The following SCML4 variants were observed in gnomAD, a reference collection of about 807,000 sequenced individuals.
The protein encoded by SCML4 is Scm polycomb group protein like 4, also known as sex comb on midleg-like protein 4.
Under a neutral mutation model 41.1 loss-of-function variants are expected in SCML4, and 34 were observed. The observed-to-expected ratio is 0.83, with a 90% CI of 0.63 to 1.10. SCML4 has a LOEUF of 1.10. Among genes scored for constraint, SCML4 ranks in the 50% least tolerant of loss-of-function variants. The probability of loss-of-function intolerance (pLI) is 0.00; values close to 1 mark genes in which losing one functional copy is unlikely to be tolerated. For synonymous variants in SCML4, 214 were observed against 220.9 expected (o/e 0.97, Z 0.28); for missense variants, 522 against 534.1 (o/e 0.98, Z 0.22).
rs1782275582 is a variant in SCML4 at position 107,790,917 on chromosome 6, A to G, written c.-59-18531T>C. ...AAACCCTGTATCTACTAAAAATACA[A>G]AAATTAGCCAGACATGGTGGTGCAT... On this transcript the variant is annotated intron_variant, in intron 1 of 7. Transcript: ENST00000369020. 1.3e-5 allele frequency among the ~76,000 whole-genome samples: 2 copies of G among 152,092 alleles called. 1 individual carries two copies. Among genetic ancestry groups the G allele is most frequent in the South Asian group, 4.1e-4 (2 of 4,824 alleles).
intron 3 of SCML4, among the ~76,000 whole-genome samples, chr6:107,749,246 C>G (rs915012131): frequency 6.6e-6 from 1 of 152,064 alleles, no homozygotes; most frequent in African/African-American, 2.4e-5. Flanking sequence ...TACCTGCTAC[C>G]CTGACTGGGT....
chr6:107,759,004 G>C (rs889061722), intron 2 of SCML4, among the ~76,000 whole-genome samples: 3 of 151,948 alleles, frequency 2.0e-5, no homozygotes, highest in South Asian at 2.1e-4. Flanking sequence ...AGGCCCAGTG[G>C]CTCACATCAG....
intron 1 of SCML4, among the ~76,000 whole-genome samples, chr6:107,816,724 G>A (rs547247117): frequency 2.6e-4 from 39 of 152,284 alleles, no homozygotes; most frequent in South Asian, 1.9e-3. Flanking sequence ...GCTTCACTTC[G>A]AGATCACTTC....
At chr6:107,718,370 A>G (rs1775040695) in intron 6 of SCML4, 1 of 154,982 alleles carries the variant, frequency 6.5e-6, no homozygotes, top group African/African-American at 2.4e-5. Context: ...GCCTTCTGCC[A>G]TGATTGTGAG....
intron 1 of SCML4, among the ~76,000 whole-genome samples, chr6:107,786,440 T>A (rs180670867): frequency 1.4e-4 from 22 of 152,160 alleles, no homozygotes; most frequent in African/African-American, 4.8e-4. Context: ...TGCCTGAAAA[T>A]TGCTACTTGG....
intron 2 of SCML4, among the ~76,000 whole-genome samples, chr6:107,767,863 G>A (rs1023370835): frequency 5.3e-5 from 8 of 152,136 alleles, no homozygotes; most frequent in African/African-American, 1.7e-4. Context: ...GGAGACAGGC[G>A]TGCCCTCTGC....
the SCML4 span, among the ~76,000 whole-genome samples, chr6:107,844,542 T>C: frequency 5.4e-5 from 8 of 148,436 alleles, no homozygotes; most frequent in Non-Finnish European, 1.5e-5. Context: ...TACATAATAT[T>C]TTTAAAATTT....
rs1773372316 is a variant in SCML4 at position 107,703,833 on chromosome 6, G to A, written c.*1367C>T. On this transcript the variant is annotated 3_prime_UTR_variant, in exon 8 of 8. Transcript: ENST00000369020. ...TCTCCTCATCTCCAACACTGTTGATGTCCTTTTAAGGAAGAGAATATGCAC... is the reference window on the plus strand; with the variant it reads ...TCTCCTCATCTCCAACACTGTTGATATCCTTTTAAGGAAGAGAATATGCAC... 6.6e-6 allele frequency among the ~76,000 whole-genome samples: 1 copy of A among 152,230 alleles called. No individual in the cohort carries two copies. The highest frequency in any genetic ancestry group is 1.9e-4 in the East Asian group (1 of 5,206).
Position 107,778,935 on chromosome 6 carries a change from C to T in SCML4, c.-59-6549G>A, listed in dbSNP as rs542711529. ...GTGGCTCACGCCTGTAATCCCAGCG[C>T]TTTGGGAGGCCGAGGCGGGCGGATC... On this transcript the variant is annotated intron_variant, in intron 1 of 7. Transcript: ENST00000369020. Among the ~76,000 whole-genome samples, 458 of 152,212 alleles carry T rather than the reference C, an allele frequency of 3.0e-3. 5 individuals are homozygous for T. Among genetic ancestry groups the T allele is most frequent in the African/African-American group, 0.011 (450 of 41,536 alleles).
intron 6 of SCML4, among the ~76,000 whole-genome samples, chr6:107,715,742 G>A (rs527862973): frequency 6.6e-6 from 1 of 152,226 alleles, no homozygotes; most frequent in South Asian, 2.1e-4. Context: ...GGTAAGTACC[G>A]CCAGAGAGAG....
chr6:107,744,132 T>C (rs533832431), intron 5 of SCML4: 1 of 152,308 alleles, frequency 6.6e-6, no homozygotes, highest in African/African-American at 2.4e-5. Flanking sequence ...CCAACAACCC[T>C]GTGTTCAGAG....
At chr6:107,804,603 T>C (rs1200773387) in intron 1 of SCML4, among the ~76,000 whole-genome samples, 1 of 148,072 alleles carries the variant, frequency 6.8e-6, no homozygotes, top group Non-Finnish European at 1.5e-5. Flanking sequence ...AATTTTTAAA[T>C]ATGGCTTAGC....
chr6:107,798,700 C>T (rs1287050102), intron 1 of SCML4, among the ~76,000 whole-genome samples: 1 of 151,984 alleles, frequency 6.6e-6, no homozygotes, highest in South Asian at 2.1e-4. Context: ...TGCTTGTAGA[C>T]CTTTTCCTTT....
intron 1 of SCML4, among the ~76,000 whole-genome samples, chr6:107,778,986 C>T (rs1433371926): frequency 3.3e-5 from 5 of 152,042 alleles, no homozygotes; most frequent in African/African-American, 7.3e-5. Context: ...CAAGACCATC[C>T]TGGCTAACAC....
At chr6:107,782,103 G>A (rs190501768) in intron 1 of SCML4, among the ~76,000 whole-genome samples, 3 of 152,210 alleles carry the variant, frequency 2.0e-5, no homozygotes, top group Non-Finnish European at 4.4e-5. Flanking sequence ...GATAAATGAA[G>A]TAAGAACAGA....
In SCML4 at chr6:107,705,090, GTTAATT is replaced by G; in HGVS notation, c.*104_*109del. 1 of 1,024,956 alleles carries G rather than the reference GTTAATT, an allele frequency of 9.8e-7. No homozygotes were observed. The highest frequency in any genetic ancestry group is 1.5e-6 in the Non-Finnish European group (1 of 676,966). 63.5% of individuals were successfully genotyped at this position (1,024,956 alleles called of 1,614,324 possible). ...ATAAAAAGACCACGTCTCTGTGGCT[GTTAATT>G]TTAAGAGGAGAGTCTAGTTTGTGAT... On this transcript the variant is annotated 3_prime_UTR_variant, in exon 8 of 8. Transcript: ENST00000369020.
chr6:107,762,329 T>C (rs1004290182), intron 2 of SCML4, among the ~76,000 whole-genome samples: 1 of 152,096 alleles, frequency 6.6e-6, no homozygotes, highest in Non-Finnish European at 1.5e-5. Context: ...GTAAAAGGAA[T>C]ATATAGAATA....
chr6:107,803,234 C>A (rs1185932579), intron 1 of SCML4, among the ~76,000 whole-genome samples: 2 of 134,694 alleles, frequency 1.5e-5, no homozygotes, highest in African/African-American at 6.1e-5. Flanking sequence ...CGCCTCTGCC[C>A]GGCCGCCCTG....
chr6:107,812,005 T>G (rs1052479375), intron 1 of SCML4, among the ~76,000 whole-genome samples: 2 of 152,216 alleles, frequency 1.3e-5, no homozygotes, highest in Non-Finnish European at 2.9e-5. Flanking sequence ...AGGGCAGACG[T>G]TCTCTCACTA....
Sources: gnomAD v4.1 joint callset for allele counts (sites outside exome capture counted in the v4.1 genomes callset) on GRCh38, gnomAD v4.1.1 for gene constraint, MANE v1.5 for transcripts, NCBI Gene and HGNC (gene_info 2026-07-23, HGNC 2026-07-21) for gene names.